Variants in TENT5D observed in about 807,000 individuals in gnomAD.
TENT5D encodes the protein cancer/testis antigen 112.
For missense variants in TENT5D, 191 were observed against 287.0 expected (o/e 0.67, Z 2.42); for synonymous variants, 103 against 100.6 (o/e 1.02, Z -0.15).
chrX:80,395,984 C>T (rs1420137798), intron 3 of TENT5D, among the ~76,000 whole-genome samples: 1 of 108,616 alleles, frequency 9.2e-6, no homozygotes, highest in Admixed American at 1.0e-4. Flanking sequence ...TTTTTCTTAA[C>T]ATAACCTCCT....
At chrX:80,354,081 A>G (rs1490108271) in intron 3 of TENT5D, among the ~76,000 whole-genome samples, 1 of 111,475 alleles carries the variant, frequency 9.0e-6, no homozygotes, top group African/African-American at 3.3e-5. Context: ...GGCCACATGT[A>G]TGTCTTCTTT....
chrX:80,402,536 C>T (rs1338034380), intron 3 of TENT5D, among the ~76,000 whole-genome samples: 1 of 111,974 alleles, frequency 8.9e-6, no homozygotes, highest in East Asian at 2.8e-4. Context: ...TCGCTAAAGA[C>T]TTTCCTTTTA....
chrX:80,397,171 G>A (rs1931283679), intron 3 of TENT5D, among the ~76,000 whole-genome samples: 1 of 104,880 alleles, frequency 9.5e-6, no homozygotes. Context: ...TCACTTCTCA[G>A]ATGGGGCGGT....
chrX:80,388,562 C>T (rs1200601169), intron 3 of TENT5D, among the ~76,000 whole-genome samples: 2 of 111,686 alleles, frequency 1.8e-5, no homozygotes, highest in Non-Finnish European at 3.8e-5. Context: ...GAATGTGAGC[C>T]TCACAACTCT....
At chrX:80,365,865 G>C (rs1930500362) in intron 3 of TENT5D, among the ~76,000 whole-genome samples, 1 of 109,865 alleles carries the variant, frequency 9.1e-6, no homozygotes, top group Non-Finnish European at 1.9e-5. Flanking sequence ...ACTTAAAAGA[G>C]ATTAAATGAG....
chrX:80,380,201 T>C (rs900615197), intron 3 of TENT5D, among the ~76,000 whole-genome samples: 5 of 110,036 alleles, frequency 4.5e-5, no homozygotes, highest in Non-Finnish European at 9.5e-5. Flanking sequence ...TATTTCTGCT[T>C]TCATTTCATT....
chrX:80,407,427 C>T (rs1253914920), intron 3 of TENT5D, among the ~76,000 whole-genome samples: 1 of 108,044 alleles, frequency 9.3e-6, no homozygotes. Flanking sequence ...AAATGGAAAA[C>T]AAAAAAAGGC....
chrX:80,344,820 C>G (rs1459389234), intron 3 of TENT5D, among the ~76,000 whole-genome samples: 1 of 110,760 alleles, frequency 9.0e-6, no homozygotes, highest in Non-Finnish European at 1.9e-5. Context: ...ATATTATTAC[C>G]TGTTTGCTTA....
chrX:80,384,648 T>G (rs1459574548), intron 3 of TENT5D, among the ~76,000 whole-genome samples: 5 of 101,069 alleles, frequency 4.9e-5, no homozygotes, highest in East Asian at 3.1e-4. Context: ...CCTGTTTGCA[T>G]ATGACATGAT....
chrX:80,436,063 C>A (rs1420266139), intron 1 of TENT5D, among the ~76,000 whole-genome samples: 1 of 111,330 alleles, frequency 9.0e-6, no homozygotes. Context: ...TATTTTTTTA[C>A]ACTCTACTAC....
At chrX:80,413,328 C>T (rs1318795540) in intron 3 of TENT5D, among the ~76,000 whole-genome samples, 12 of 111,832 alleles carry the variant, frequency 1.1e-4, no homozygotes, top group Admixed American at 9.5e-4. Context: ...ATATTTGATG[C>T]GTAAATACAT....
intron 3 of TENT5D, among the ~76,000 whole-genome samples, chrX:80,410,659 G>C (rs1225400480): frequency 2.9e-5 from 3 of 102,572 alleles, no homozygotes; most frequent in Admixed American, 1.1e-4. Flanking sequence ...CTGTAAACTA[G>C]TTCAACCATT....
chrX:80,357,444 G>T (rs1407086495), intron 3 of TENT5D, among the ~76,000 whole-genome samples: 31 of 108,712 alleles, frequency 2.9e-4, no homozygotes, highest in African/African-American at 1.0e-3. Flanking sequence ...ACTTTTTAAT[G>T]ATCGCCATTC....
chrX:80,422,635 A>G (rs1442670476), intron 1 of TENT5D, among the ~76,000 whole-genome samples: 2 of 111,271 alleles, frequency 1.8e-5, no homozygotes, highest in Admixed American at 1.9e-4. Context: ...GTAAGTTTTA[A>G]TGTCTGAGAG....
chrX:80,428,348 G>A (rs1322987208), intron 1 of TENT5D, among the ~76,000 whole-genome samples: 1 of 112,168 alleles, frequency 8.9e-6, no homozygotes, highest in East Asian at 2.8e-4. Flanking sequence ...TGGTTAACCT[G>A]TTGGCTTCTG....
At chrX:80,352,971 C>T (rs1930216730) in intron 3 of TENT5D, among the ~76,000 whole-genome samples, 1 of 111,124 alleles carries the variant, frequency 9.0e-6, no homozygotes, top group Non-Finnish European at 1.9e-5. Flanking sequence ...GTCAACAGCC[C>T]ACCCTGCTTC....
chrX:80,415,707 T>C (rs1358005362), upstream of TENT5D, among the ~76,000 whole-genome samples: 1 of 111,805 alleles, frequency 8.9e-6, no homozygotes, highest in Admixed American at 9.6e-5. Context: ...GATGTTTTCA[T>C]GAGGATTTTT....
intron 1 of TENT5D, among the ~76,000 whole-genome samples, chrX:80,424,017 C>CT (rs1441521031): frequency 1.8e-5 from 2 of 110,791 alleles, no homozygotes. Context: ...TAACTGCCAC[C>CT]TTTTCTCTCT....
intron 3 of TENT5D, among the ~76,000 whole-genome samples, chrX:80,353,929 T>C (rs1930233886): frequency 8.9e-6 from 1 of 111,999 alleles, no homozygotes; most frequent in Admixed American, 9.5e-5. Context: ...TCCACAGCTT[T>C]GGCAGAATGT....
Sources: allele counts gnomAD v4.1 joint callset (sites outside exome capture counted in the v4.1 genomes callset), GRCh38; gene constraint gnomAD v4.1.1; transcripts MANE v1.5; gene names NCBI Gene and HGNC (gene_info 2026-07-23, HGNC 2026-07-21).